Variants in KCNN2 observed in about 807,000 individuals in gnomAD.
The protein encoded by KCNN2 is potassium calcium-activated channel subfamily N member 2, also known as small conductance calcium-activated potassium channel protein 2.
A neutral mutation model predicts 55.5 loss-of-function variants in KCNN2; 24 were observed. The observed-to-expected ratio is 0.43, with a 90% CI of 0.31 to 0.61. The LOEUF (loss-of-function observed/expected upper bound fraction) is 0.61, where lower values mean the gene tolerates loss of function less well. KCNN2 is among the 20% of genes least tolerant of loss of function. The pLI, the probability that KCNN2 is intolerant of heterozygous loss-of-function variation, is 0.08. For synonymous variants in KCNN2, 431 were observed against 336.1 expected, an observed-to-expected ratio of 1.28 and a Z score of -3.09; for missense variants, 754 against 853.6, an observed-to-expected ratio of 0.88 and a Z score of 1.45.
At chr5:114,130,945 T>C (rs897192027) in intron 1 of KCNN2, among the ~76,000 whole-genome samples, 6 of 152,166 alleles carry the variant, frequency 3.9e-5, no homozygotes, top group African/African-American at 2.4e-5. Context: ...TTGGCCTGAG[T>C]CTGGGACAAA....
At chr5:114,399,843 G>A (rs994455867) in intron 2 of KCNN2, among the ~76,000 whole-genome samples, 4 of 149,680 alleles carry the variant, frequency 2.7e-5, no homozygotes, top group African/African-American at 9.8e-5. Flanking sequence ...GAGATTGTAT[G>A]TTTCCAGGAA....
intron 2 of KCNN2, among the ~76,000 whole-genome samples, chr5:114,311,508 T>C (rs1756390506): frequency 6.6e-6 from 1 of 152,138 alleles, no homozygotes; most frequent in African/African-American, 2.4e-5. Flanking sequence ...TTTTAAAAAA[T>C]GTATTTTCAC....
intron 1 of KCNN2, among the ~76,000 whole-genome samples, chr5:114,063,682 T>A (rs1165138596): frequency 6.6e-6 from 1 of 152,290 alleles, no homozygotes; most frequent in East Asian, 1.9e-4. Context: ...CAGAGGGAGA[T>A]AAGGCAATGC....
intron 3 of KCNN2, among the ~76,000 whole-genome samples, chr5:114,430,036 C>G (rs914657289): frequency 6.6e-6 from 1 of 151,946 alleles, no homozygotes; most frequent in Non-Finnish European, 1.5e-5. Flanking sequence ...GCACATTATA[C>G]TAAGTCTCGA....
intron 2 of KCNN2, among the ~76,000 whole-genome samples, chr5:114,327,200 A>T (rs1382382274): frequency 1.3e-5 from 2 of 152,252 alleles, no homozygotes; most frequent in East Asian, 1.9e-4. Flanking sequence ...CTGCAAGACA[A>T]ATTGTGAACA....
At chr5:114,221,165 G>T (rs894628379) in intron 1 of KCNN2, among the ~76,000 whole-genome samples, 3 of 152,172 alleles carry the variant, frequency 2.0e-5, no homozygotes, top group African/African-American at 7.2e-5. Flanking sequence ...CCCATGGCCT[G>T]GTTTTCAGCC....
chr5:114,428,266 A>G (rs573846862), intron 3 of KCNN2, among the ~76,000 whole-genome samples: 1 of 152,298 alleles, frequency 6.6e-6, no homozygotes, highest in African/African-American at 2.4e-5. Flanking sequence ...TAATGAATGT[A>G]TGTGTTTTAA....
intron 1 of KCNN2, among the ~76,000 whole-genome samples, chr5:114,072,170 T>C (rs1019563651): frequency 3.9e-5 from 6 of 152,050 alleles, no homozygotes; most frequent in African/African-American, 1.5e-4. Context: ...CGCATGCCTG[T>C]AGTCCCAGCT....
intron 1 of KCNN2, among the ~76,000 whole-genome samples, chr5:114,138,405 T>C (rs2112501251): frequency 6.6e-6 from 1 of 152,300 alleles, no homozygotes; most frequent in South Asian, 2.1e-4. Context: ...TATTTTTGAA[T>C]TAATTAATGA....
chr5:114,220,825 CAAAA>C (rs11311434), intron 1 of KCNN2, among the ~76,000 whole-genome samples: 1 of 91,902 alleles, frequency 1.1e-5, no homozygotes, highest in Non-Finnish European at 2.3e-5. Context: ...GACTCCATCT[CAAAA>C]AAAAAAAAAA....
rs143060334 is a variant in KCNN2, at chr5:114,342,273, A to G, written c.-184-18672A>G. On this transcript the variant is annotated intron_variant, in intron 2 of 10. Transcript: ENST00000512097. Reference sequence around the variant, plus strand: ...TCTCTTATGCACTTACTCAAATAGCATATTAAAATACCTCCTTAGGCAAGG... The same window carrying G: ...TCTCTTATGCACTTACTCAAATAGCGTATTAAAATACCTCCTTAGGCAAGG... Among the ~76,000 whole-genome samples the G allele has an allele frequency of 4.3e-3, 649 of 152,230 alleles. 2 individuals carry two copies. Among genetic ancestry groups the G allele is most frequent in the Non-Finnish European group, 6.2e-3 (424 of 68,010 alleles).
intron 1 of KCNN2, among the ~76,000 whole-genome samples, chr5:114,161,644 A>G (rs1044557637): frequency 6.6e-6 from 1 of 152,220 alleles, no homozygotes; most frequent in Non-Finnish European, 1.5e-5. Flanking sequence ...TACACCAATC[A>G]GACGTAGATT....
chr5:114,262,336 A>G (rs1755125133), intron 2 of KCNN2, among the ~76,000 whole-genome samples: 2 of 152,222 alleles, frequency 1.3e-5, no homozygotes, highest in East Asian at 1.9e-4. Context: ...AAAGAATTCT[A>G]TCTACAGACC....
At chr5:114,265,047 C>T (rs1755182502) in intron 2 of KCNN2, among the ~76,000 whole-genome samples, 1 of 152,046 alleles carries the variant, frequency 6.6e-6, no homozygotes, top group South Asian at 2.1e-4. Context: ...TTGCAGAGGG[C>T]TTGATTGGGA....
At chr5:114,121,335 G>A (rs999544576) in intron 1 of KCNN2, among the ~76,000 whole-genome samples, 10 of 152,160 alleles carry the variant, frequency 6.6e-5, no homozygotes, top group African/African-American at 2.4e-4. Flanking sequence ...GCTCACACAA[G>A]ATTAGGCTAC....
At chr5:114,181,037 G>A (rs1753227281) in intron 1 of KCNN2, among the ~76,000 whole-genome samples, 3 of 152,128 alleles carry the variant, frequency 2.0e-5, no homozygotes, top group Admixed American at 2.0e-4. Flanking sequence ...CTTATTAAGA[G>A]CTACCTTGGC....
chr5:114,139,236 G>GT (rs991427572), intron 1 of KCNN2, among the ~76,000 whole-genome samples: 1 of 152,048 alleles, frequency 6.6e-6, no homozygotes, highest in Non-Finnish European at 1.5e-5. Flanking sequence ...TGTGGATAGT[G>GT]TTTTTTGCAT....
chr5:114,339,272 C>T (rs368540730), intron 2 of KCNN2, among the ~76,000 whole-genome samples: 1 of 152,156 alleles, frequency 6.6e-6, no homozygotes, highest in South Asian at 2.1e-4. Flanking sequence ...AAAACCCCGG[C>T]CCCCTTTCCA....
intron 2 of KCNN2, among the ~76,000 whole-genome samples, chr5:114,282,108 A>G (rs1755636366): frequency 6.6e-6 from 1 of 152,070 alleles, no homozygotes. Flanking sequence ...TGGCAGACTT[A>G]CCAGAGTTTT....
Sources: allele counts gnomAD v4.1 joint callset (sites outside exome capture counted in the v4.1 genomes callset), GRCh38; gene constraint gnomAD v4.1.1; transcripts MANE v1.5; gene names NCBI Gene and HGNC (gene_info 2026-07-23, HGNC 2026-07-21).